Variants in ARID4A observed in about 807,000 individuals in gnomAD.
ARID4A encodes AT-rich interactive domain-containing protein 4A.
In ARID4A, 39 loss-of-function variants were observed where a neutral mutation model predicts 148.6. The observed-to-expected ratio is 0.26, with a 90% CI of 0.20 to 0.34. ARID4A has a LOEUF of 0.34. ARID4A is among the 10% of genes least tolerant of loss of function. The probability of loss-of-function intolerance (pLI) is 1.00; values close to 1 mark genes in which losing one functional copy is unlikely to be tolerated. For synonymous variants in ARID4A, 475 were observed against 481.2 expected (o/e 0.99, Z 0.17); for missense variants, 1,265 against 1,449.1 (o/e 0.87, Z 2.06).
chr14:58,303,443 T>C (rs1261453327), intron 3 of ARID4A: 1 of 443,818 alleles, frequency 2.3e-6, no homozygotes, highest in African/African-American at 2.0e-5. Context: ...AGATTTTTTT[T>C]ACTGTGCCAG....
In ARID4A at chr14:58,359,235, G is replaced by A; in HGVS notation, c.1938+19G>A. Reference sequence around the variant, plus strand: ...AGCTAAAGTATGTTTGTAGATTTATGTCCTTTATAATATGTATAGGAATTA... The same window carrying A: ...AGCTAAAGTATGTTTGTAGATTTATATCCTTTATAATATGTATAGGAATTA... On this transcript the variant is annotated intron_variant, in intron 18 of 23. Coordinates refer to ENST00000355431, the MANE Select transcript of ARID4A (RefSeq NM_002892.4). 6.4e-7 allele frequency: 1 copy of A among 1,564,376 alleles called. No homozygotes were observed. Among genetic ancestry groups the A allele is most frequent in the Non-Finnish European group, 8.6e-7 (1 of 1,159,470 alleles).
At chr14:58,314,895 G>T (rs552364964) in intron 5 of ARID4A, among the ~76,000 whole-genome samples, 1 of 152,158 alleles carries the variant, frequency 6.6e-6, no homozygotes, top group African/African-American at 2.4e-5. Flanking sequence ...AAGGTGGGTG[G>T]AACACTTGAG....
In ARID4A at chr14:58,369,653, A is replaced by G. The variant is rs368140875; in HGVS notation, c.3671-2233A>G. On this transcript the variant is annotated intron_variant, in intron 23 of 23. Transcript: ENST00000355431. Reference sequence around the variant, plus strand: ...AAAAAGTAGATTCTAAAAATTTACCATATAAAGATACATATATAAAAAGAA... The same window carrying G: ...AAAAAGTAGATTCTAAAAATTTACCGTATAAAGATACATATATAAAAAGAA... 2.0e-5 allele frequency among the ~76,000 whole-genome samples: 3 copies of G among 150,762 alleles called. 1 individual carries two copies.
chr14:58,370,164 A>G (rs1430685705), intron 23 of ARID4A: 2 of 152,258 alleles, frequency 1.3e-5, no homozygotes, highest in Non-Finnish European at 2.9e-5. Context: ...TGTAAATAGC[A>G]AGAAGTCTTT....
intron 5 of ARID4A, 106 bp downstream of exon 5, chr14:58,306,218 C>T: frequency 2.4e-6 from 2 of 839,890 alleles, no homozygotes; most frequent in Admixed American, 2.2e-5. Context: ...TATATTATTT[C>T]CTGTCAGTTT....
intron 20 of ARID4A, 30 bp from the exon 21 acceptor site, chr14:58,365,488 T>TAAAAAATA: frequency 8.8e-7 from 1 of 1,135,266 alleles, no homozygotes; most frequent in Non-Finnish European, 1.2e-6. Context: ...TTTTTTTTTT[T>TAAAAAATA]TCAACATTCT....
At chr14:58,321,720 A>T (rs1444092548) in intron 7 of ARID4A, among the ~76,000 whole-genome samples, 2 of 152,148 alleles carry the variant, frequency 1.3e-5, no homozygotes, top group Admixed American at 6.6e-5. Context: ...GAAAATAATA[A>T]AAGACCTCCG....
At chr14:58,310,526 C>T (rs2031945864) in intron 5 of ARID4A, among the ~76,000 whole-genome samples, 1 of 152,120 alleles carries the variant, frequency 6.6e-6, no homozygotes, top group South Asian at 2.1e-4. Flanking sequence ...GGGGAAAGGA[C>T]AGTCTCTTCG....
At chr14:58,308,590 A>G (rs1215973158) in intron 5 of ARID4A, among the ~76,000 whole-genome samples, 1 of 152,244 alleles carries the variant, frequency 6.6e-6, no homozygotes, top group African/African-American at 2.4e-5. Context: ...TATTGAAGGA[A>G]GTGGATCACA....
In ARID4A at chr14:58,336,555, G is replaced by T. The variant is rs558406100; in HGVS notation, c.906+6386G>T. 2.9e-4 allele frequency among the ~76,000 whole-genome samples: 22 copies of T among 75,196 alleles called. No homozygotes were observed. In the South Asian group the frequency reaches 0.014, roughly 47 times the overall value. The allele number at this position is 75,196 out of a possible 152,430, so 49.3% of individuals were successfully genotyped here. Reference sequence around the variant, plus strand: ...TGTCTTTATTTGCTGTTTCCCTAAGGTGTTGTGACAAAATATATCTGTTGT... The same window carrying T: ...TGTCTTTATTTGCTGTTTCCCTAAGTTGTTGTGACAAAATATATCTGTTGT... On this transcript the variant is annotated intron_variant, in intron 11 of 23. Coordinates refer to ENST00000355431, the MANE Select transcript of ARID4A (RefSeq NM_002892.4).
At chr14:58,330,198 A>G in intron 11 of ARID4A, 29 bp downstream of exon 11, 1 of 1,601,420 alleles carries the variant, frequency 6.2e-7, no homozygotes, top group Non-Finnish European at 8.5e-7. Context: ...TTGTAACAAA[A>G]ACATCTTAAT....
intron 5 of ARID4A, among the ~76,000 whole-genome samples, chr14:58,312,215 A>G (rs1300476152): frequency 6.6e-6 from 1 of 151,600 alleles, no homozygotes; most frequent in African/African-American, 2.4e-5. Context: ...TATTAATGTT[A>G]AATTTTTTTT....
rs1051029502 is a variant in ARID4A at position 58,364,936 on chromosome 14, G to A, written c.2847G>A (p.Met949Ile). 6.2e-7 allele frequency: 1 copy of A among 1,614,128 alleles called. No individual in the cohort carries two copies. Residue 949 changes from methionine (M) to isoleucine (I), a missense_variant, in exon 20 of 24, where the codon ATG (methionine) becomes ATA (isoleucine). Physicochemically the swap from Met to Ile is conservative, Grantham distance 10. Around this residue, in one of 9 missense-constraint regions of ARID4A, gnomAD observed 666 missense variants for 730.9 expected, o/e 0.91. Coordinates refer to ENST00000355431, the MANE Select transcript of ARID4A (RefSeq NM_002892.4). ...CACTAAAAGAAGATGAGGATGCAAT[G>A]CCTCTGATCGGGCCTGAAACCTTGG... ...NIPLKEDEDA[M>I]PLIGPETLVC...
intron 7 of ARID4A, among the ~76,000 whole-genome samples, chr14:58,319,083 G>A (rs771483594): frequency 4.6e-5 from 7 of 152,022 alleles, no homozygotes; most frequent in South Asian, 4.1e-4. Flanking sequence ...TTTTTGAGAC[G>A]GAGTCTCGCT....
chr14:58,354,859 AAAG>A (rs1435610123), intron 17 of ARID4A, among the ~76,000 whole-genome samples: 3 of 152,166 alleles, frequency 2.0e-5, no homozygotes, highest in Admixed American at 2.0e-4. Context: ...TAGTCAAGAA[AAAG>A]AAGATGTTTG....
chr14:58,371,514 C>T (rs1423463375), intron 23 of ARID4A, among the ~76,000 whole-genome samples: 4 of 152,156 alleles, frequency 2.6e-5, no homozygotes, highest in South Asian at 4.1e-4. Context: ...AATTCTCTTA[C>T]GGTCCTATGA....
At chr14:58,303,112 C>T (rs2031318238) in intron 3 of ARID4A, among the ~76,000 whole-genome samples, 1 of 151,836 alleles carries the variant, frequency 6.6e-6, no homozygotes, top group South Asian at 2.1e-4. Flanking sequence ...ACATTTTTAA[C>T]ATTATAGAGG....
chr14:58,349,923 A>T (rs2034554273), intron 15 of ARID4A, among the ~76,000 whole-genome samples: 1 of 151,916 alleles, frequency 6.6e-6, no homozygotes, highest in South Asian at 2.1e-4. Context: ...ATCCTGGCCA[A>T]CGTGGTGAAA....
chr14:58,349,407 G>A (rs1490811040), intron 15 of ARID4A, among the ~76,000 whole-genome samples: 1 of 150,056 alleles, frequency 6.7e-6, no homozygotes. Flanking sequence ...AGCACTTTGG[G>A]AGGCCAAGGC....
Sources: allele counts gnomAD v4.1 joint callset (sites outside exome capture counted in the v4.1 genomes callset), GRCh38; gene constraint gnomAD v4.1.1; regional missense constraint gnomAD v4.1.1; transcripts MANE v1.5; gene names NCBI Gene and HGNC (gene_info 2026-07-23, HGNC 2026-07-21).